The following GRXCR2 variants were observed in gnomAD, a reference collection of about 807,000 sequenced individuals.
GRXCR2 encodes the protein glutaredoxin and cysteine rich domain containing 2.
In GRXCR2, 23 loss-of-function variants were observed where a neutral mutation model predicts 24.8. The ratio of observed to expected loss-of-function variants is 0.93; its 90% CI spans 0.67 to 1.32. The LOEUF is 1.32. GRXCR2 is among the 40% of genes most tolerant of loss of function. GRXCR2 has a pLI of 0.00. For synonymous variants in GRXCR2, 130 were observed against 116.1 expected, an observed-to-expected ratio of 1.12 and a Z score of -0.77; for missense variants, 315 against 303.4, an observed-to-expected ratio of 1.04 and a Z score of -0.28.
intron 2 of GRXCR2, among the ~76,000 whole-genome samples, chr5:145,924,514 G>T (rs1371995411): frequency 6.6e-6 from 1 of 152,088 alleles, no homozygotes; most frequent in Non-Finnish European, 1.5e-5. Context: ...TCTGTATGTT[G>T]CCAAGTTTTG....
chr5:145,914,708 T>C (rs994022653), intron 2 of GRXCR2, among the ~76,000 whole-genome samples: 5 of 145,802 alleles, frequency 3.4e-5, no homozygotes, highest in African/African-American at 1.3e-4. Flanking sequence ...AAAAATCTGA[T>C]TGAGTTTCTA....
At chr5:145,863,550 C>T (rs1756376067) in intron 2 of GRXCR2, among the ~76,000 whole-genome samples, 1 of 152,110 alleles carries the variant, frequency 6.6e-6, no homozygotes. Flanking sequence ...AATACATGCT[C>T]CTACAACTTA....
At chr5:145,913,430 A>C (rs1343821361) in intron 2 of GRXCR2, among the ~76,000 whole-genome samples, 1 of 152,214 alleles carries the variant, frequency 6.6e-6, no homozygotes, top group Admixed American at 6.5e-5. Flanking sequence ...CCACTCAAAA[A>C]AACGGGGTGG....
intron 2 of GRXCR2, among the ~76,000 whole-genome samples, chr5:145,865,265 T>C (rs1756410337): frequency 6.6e-6 from 1 of 152,152 alleles, no homozygotes; most frequent in African/African-American, 2.4e-5. Flanking sequence ...GAAAATTCAT[T>C]CATCCAGCTA....
upstream of GRXCR2, among the ~76,000 whole-genome samples, chr5:145,873,433 C>G (rs936416815): frequency 1.3e-5 from 2 of 152,150 alleles, no homozygotes; most frequent in East Asian, 1.9e-4. Flanking sequence ...CACGATAACC[C>G]TACAAAGAAA....
intron 1 of GRXCR2, among the ~76,000 whole-genome samples, chr5:145,870,610 G>A (rs1327655197): frequency 6.6e-6 from 1 of 152,158 alleles, no homozygotes; most frequent in Non-Finnish European, 1.5e-5. Flanking sequence ...GCTACCCAAT[G>A]TGGTCTCATA....
intron 2 of GRXCR2, among the ~76,000 whole-genome samples, chr5:145,893,471 G>A (rs1756901403): frequency 6.6e-6 from 1 of 152,102 alleles, no homozygotes; most frequent in African/African-American, 2.4e-5. Flanking sequence ...AAAAAAGGCA[G>A]GGGTTGCAAT....
upstream of GRXCR2, among the ~76,000 whole-genome samples, chr5:145,875,278 G>A (rs894829116): frequency 1.3e-5 from 2 of 152,166 alleles, no homozygotes; most frequent in African/African-American, 2.4e-5. Context: ...GGCTGGGCGC[G>A]GTGGCTCACG....
chr5:145,915,870 C>T (rs1757229864), intron 2 of GRXCR2, among the ~76,000 whole-genome samples: 1 of 152,070 alleles, frequency 6.6e-6, no homozygotes, highest in Non-Finnish European at 1.5e-5. Context: ...CTCATGGGTA[C>T]CAAATGAGAT....
intron 2 of GRXCR2, among the ~76,000 whole-genome samples, chr5:145,926,124 G>A (rs1452598615): frequency 6.6e-6 from 1 of 152,158 alleles, no homozygotes; most frequent in African/African-American, 2.4e-5. Flanking sequence ...GTGAAAGAAA[G>A]GGAGAAAGAC....
At chr5:145,886,085 G>A (rs1368274975) in intron 2 of GRXCR2, among the ~76,000 whole-genome samples, 1 of 152,056 alleles carries the variant, frequency 6.6e-6, no homozygotes, top group East Asian at 1.9e-4. Flanking sequence ...TTAAAATGAG[G>A]CAGAAAATGA....
intron 2 of GRXCR2, among the ~76,000 whole-genome samples, chr5:145,884,325 A>G (rs533428297): frequency 1.3e-5 from 2 of 152,280 alleles, no homozygotes; most frequent in African/African-American, 2.4e-5. Flanking sequence ...TAGAAGAAGC[A>G]TTCTAGATTT....
At chr5:145,917,388 A>G (rs1757257045) in intron 2 of GRXCR2, among the ~76,000 whole-genome samples, 1 of 152,108 alleles carries the variant, frequency 6.6e-6, no homozygotes, top group Non-Finnish European at 1.5e-5. Context: ...TCAGAAATAG[A>G]AGAGGTGTGA....
At chr5:145,892,055 G>T (rs1284216148) in intron 2 of GRXCR2, among the ~76,000 whole-genome samples, 1 of 152,158 alleles carries the variant, frequency 6.6e-6, no homozygotes, top group Non-Finnish European at 1.5e-5. Flanking sequence ...AACTCCAACA[G>T]ACCTGCAGCT....
At chr5:145,887,533 T>C (rs1756795180) in intron 2 of GRXCR2, among the ~76,000 whole-genome samples, 1 of 152,320 alleles carries the variant, frequency 6.6e-6, no homozygotes, top group East Asian at 1.9e-4. Context: ...GCTAGGGATG[T>C]TAGACATTCT....
At chr5:145,922,251 C>T (rs1385150797) in intron 2 of GRXCR2, among the ~76,000 whole-genome samples, 1 of 152,176 alleles carries the variant, frequency 6.6e-6, no homozygotes, top group African/African-American at 2.4e-5. Flanking sequence ...CCCTTTGTGT[C>T]TCTGTATCTG....
chr5:145,868,316 G>A (rs1482736124), intron 1 of GRXCR2, among the ~76,000 whole-genome samples: 1 of 152,186 alleles, frequency 6.6e-6, no homozygotes, highest in East Asian at 1.9e-4. Context: ...CTATTTATAC[G>A]CTAAAGTTAA....
intron 2 of GRXCR2, among the ~76,000 whole-genome samples, chr5:145,895,085 C>T (rs527543897): frequency 1.6e-4 from 25 of 152,216 alleles, no homozygotes; most frequent in South Asian, 4.1e-4. Context: ...AATTCAACAA[C>T]GCTTCATGCT....
At chr5:145,889,712 T>A (rs1055084384) in intron 2 of GRXCR2, among the ~76,000 whole-genome samples, 2 of 152,152 alleles carry the variant, frequency 1.3e-5, no homozygotes, top group Admixed American at 6.5e-5. Context: ...TTTCTAGCAA[T>A]GGTCCCTACA....
Sources: gnomAD v4.1 joint callset for allele counts (sites outside exome capture counted in the v4.1 genomes callset) on GRCh38, gnomAD v4.1.1 for gene constraint, MANE v1.5 for transcripts, NCBI Gene and HGNC (gene_info 2026-07-23, HGNC 2026-07-21) for gene names.